The following ZFPM2 variants were observed in gnomAD, a reference collection of about 807,000 sequenced individuals.
ZFPM2 encodes zinc finger protein, FOG family member 2, also known as zinc finger protein ZFPM2.
ZFPM2 carries 20 observed loss-of-function variants against 98.6 expected under a neutral mutation model. The ratio of observed to expected loss-of-function variants is 0.20; its 90% CI spans 0.14 to 0.29. ZFPM2 has a LOEUF of 0.29. Ranked by LOEUF, ZFPM2 falls within the 10% of genes least tolerant of loss-of-function variation. The probability of loss-of-function intolerance (pLI) is 1.00; values close to 1 mark genes in which losing one functional copy is unlikely to be tolerated. For synonymous variants in ZFPM2, 518 were observed against 502.7 expected (o/e 1.03, Z -0.41); for missense variants, 1,310 against 1,388.6 (o/e 0.94, Z 0.90).
chr8:105,796,716 G>A (rs567594949), intron 6 of ZFPM2: 1 of 152,236 alleles, frequency 6.6e-6, no homozygotes, highest in East Asian at 1.9e-4. Context: ...CATTTCTGCA[G>A]AGTTTTAGGC....
chr8:105,334,975 G>A (rs530759482), intron 1 of ZFPM2, among the ~76,000 whole-genome samples: 1 of 151,724 alleles, frequency 6.6e-6, no homozygotes, highest in East Asian at 1.9e-4. Context: ...GAGTGTCAGT[G>A]GGGTTTGAAA....
intron 1 of ZFPM2, among the ~76,000 whole-genome samples, chr8:105,374,790 A>G (rs1422803955): frequency 6.6e-6 from 1 of 152,214 alleles, no homozygotes; most frequent in East Asian, 1.9e-4. Flanking sequence ...AACCACTCAG[A>G]GTGGTAACAA....
chr8:105,480,851 C>T (rs1813100707), intron 3 of ZFPM2, among the ~76,000 whole-genome samples: 1 of 151,510 alleles, frequency 6.6e-6, no homozygotes, highest in African/African-American at 2.4e-5. Flanking sequence ...CCCAGGTTCA[C>T]ACCATTCTCC....
intron 4 of ZFPM2, among the ~76,000 whole-genome samples, chr8:105,623,306 T>A (rs1816591455): frequency 6.6e-6 from 1 of 152,180 alleles, no homozygotes; most frequent in Non-Finnish European, 1.5e-5. Context: ...TGGAGGGGGA[T>A]CCCCTTCTTA....
chr8:105,594,114 G>T (rs1464417332), intron 4 of ZFPM2, among the ~76,000 whole-genome samples: 1 of 152,116 alleles, frequency 6.6e-6, no homozygotes, highest in East Asian at 1.9e-4. Context: ...AAAGAATGCA[G>T]TAAGATCTTT....
chr8:105,601,622 CT>C (rs906733164), intron 4 of ZFPM2, among the ~76,000 whole-genome samples: 3 of 152,022 alleles, frequency 2.0e-5, no homozygotes, highest in African/African-American at 7.2e-5. Flanking sequence ...CCCTCTCTGT[CT>C]TTTGTTCCCC....
chr8:105,485,087 T>C (rs969526622), intron 3 of ZFPM2, among the ~76,000 whole-genome samples: 1 of 152,206 alleles, frequency 6.6e-6, no homozygotes, highest in African/African-American at 2.4e-5. Context: ...GGTAACTTTA[T>C]ACATTGGTAA....
intron 3 of ZFPM2, among the ~76,000 whole-genome samples, chr8:105,454,722 C>T (rs79062138): frequency 5.9e-4 from 90 of 152,290 alleles, no homozygotes; most frequent in Admixed American, 1.2e-3. Context: ...TGAAAGTCTT[C>T]CCTTCGTCCA....
chr8:105,511,418 A>G (rs1294734784), intron 3 of ZFPM2, among the ~76,000 whole-genome samples: 3 of 152,204 alleles, frequency 2.0e-5, no homozygotes, highest in Non-Finnish European at 4.4e-5. Flanking sequence ...CTGTTGTTGT[A>G]GTTGGGAAGT....
chr8:105,586,085 G>A (rs1815709093), intron 4 of ZFPM2, among the ~76,000 whole-genome samples: 3 of 151,640 alleles, frequency 2.0e-5, no homozygotes, highest in African/African-American at 7.3e-5. Context: ...AATGGGGAAT[G>A]TAATTAATGT....
At chr8:105,616,490 G>A (rs1020770380) in intron 4 of ZFPM2, among the ~76,000 whole-genome samples, 3 of 152,002 alleles carry the variant, frequency 2.0e-5, no homozygotes, top group Admixed American at 2.0e-4. Context: ...AAAGTTGGAT[G>A]TAATAAATAG....
chr8:105,467,116 G>C (rs1812809911), intron 3 of ZFPM2, among the ~76,000 whole-genome samples: 1 of 152,070 alleles, frequency 6.6e-6, no homozygotes, highest in African/African-American at 2.4e-5. Flanking sequence ...GAGGATTCTT[G>C]TGAGAACTGC....
intron 5 of ZFPM2, among the ~76,000 whole-genome samples, chr8:105,741,720 T>G (rs1812218870): frequency 6.6e-6 from 1 of 151,290 alleles, no homozygotes; most frequent in South Asian, 2.1e-4. Context: ...GTATGATTGC[T>G]GGAAAACAAT....
intron 1 of ZFPM2, among the ~76,000 whole-genome samples, chr8:105,412,620 A>T (rs1435237360): frequency 6.6e-6 from 1 of 151,760 alleles, no homozygotes; most frequent in Non-Finnish European, 1.5e-5. Flanking sequence ...AGATCCCCTG[A>T]TGCCACTATT....
At chr8:105,742,759 G>C (rs550383499) in intron 5 of ZFPM2, among the ~76,000 whole-genome samples, 1 of 152,178 alleles carries the variant, frequency 6.6e-6, no homozygotes, top group South Asian at 2.1e-4. Context: ...AAGTGTGGTG[G>C]CAGGTTGCCT....
intron 1 of ZFPM2, among the ~76,000 whole-genome samples, chr8:105,410,641 T>C (rs1811558139): frequency 6.6e-6 from 1 of 151,930 alleles, no homozygotes; most frequent in African/African-American, 2.4e-5. Context: ...TAAACGTATT[T>C]GATAGTTTTG....
At chr8:105,441,454 G>GAGAGAAAGAAAGA (rs1812240131) in intron 2 of ZFPM2, among the ~76,000 whole-genome samples, 2 of 54,364 alleles carry the variant, frequency 3.7e-5, no homozygotes, top group African/African-American at 1.1e-4. Context: ...GAGAGAGAGA[G>GAGAGAAAGAAAGA]AAAGAAAGAA....
intron 5 of ZFPM2, among the ~76,000 whole-genome samples, chr8:105,657,381 C>T (rs147698771): frequency 4.3e-4 from 65 of 152,232 alleles, no homozygotes; most frequent in African/African-American, 1.4e-3. Context: ...TCAGGTGATC[C>T]ATCCGCCTCG....
At chr8:105,354,307 G>T (rs1413269452) in intron 1 of ZFPM2, among the ~76,000 whole-genome samples, 1 of 152,194 alleles carries the variant, frequency 6.6e-6, no homozygotes. Flanking sequence ...TCAATTAGAA[G>T]TAATTTACAG....
Sources: gnomAD v4.1 joint callset for allele counts (sites outside exome capture counted in the v4.1 genomes callset) on GRCh38, gnomAD v4.1.1 for gene constraint, MANE v1.5 for transcripts, NCBI Gene and HGNC (gene_info 2026-07-23, HGNC 2026-07-21) for gene names.